The following CNTNAP4 variants were observed in gnomAD, a reference collection of about 807,000 sequenced individuals.
The protein encoded by CNTNAP4 is contactin associated protein family member 4, also known as contactin-associated protein-like 4.
CNTNAP4 carries 98 observed loss-of-function variants against 148.4 expected under a neutral mutation model. The ratio of observed to expected loss-of-function variants is 0.66; its 90% confidence interval spans 0.56 to 0.78. The LOEUF (loss-of-function observed/expected upper bound fraction) is 0.78. CNTNAP4 is among the 30% of genes least tolerant of loss of function. CNTNAP4 has a pLI of 0.00. For missense variants in CNTNAP4, 1,935 were observed against 1,565.6 expected (o/e 1.24, Z -3.98); for synonymous variants, 730 against 565.1 (o/e 1.29, Z -4.14).
At chr16:76,432,496 G>T (rs539475853) in intron 4 of CNTNAP4, 1 of 152,244 alleles carries the variant, frequency 6.6e-6, no homozygotes, top group South Asian at 2.1e-4. Context: ...CAGTGATCCT[G>T]TTTGCAGATC....
chr16:76,499,978 C>T (rs2082562829), intron 15 of CNTNAP4, among the ~76,000 whole-genome samples: 2 of 152,154 alleles, frequency 1.3e-5, no homozygotes, highest in African/African-American at 4.8e-5. Flanking sequence ...GACACAGTAA[C>T]AATCTGATCT....
intron 1 of CNTNAP4, among the ~76,000 whole-genome samples, chr16:76,299,495 A>T (rs1000466689): frequency 2.6e-5 from 4 of 152,132 alleles, no homozygotes; most frequent in Non-Finnish European, 5.9e-5. Context: ...TCAGGAAACA[A>T]CAGGTGCTGG....
intron 21 of CNTNAP4, among the ~76,000 whole-genome samples, chr16:76,546,905 C>T (rs961600265): frequency 2.0e-5 from 3 of 152,108 alleles, no homozygotes; most frequent in Non-Finnish European, 4.4e-5. Flanking sequence ...AAATTATCCC[C>T]CTTGCTTGAT....
chr16:76,516,802 G>A (rs936122083), intron 15 of CNTNAP4, among the ~76,000 whole-genome samples: 10 of 152,160 alleles, frequency 6.6e-5, no homozygotes, highest in African/African-American at 2.2e-4. Context: ...GGTGGCTCAC[G>A]CCTGTAATCC....
At chr16:76,493,874 C>T (rs1012937591) in intron 13 of CNTNAP4, among the ~76,000 whole-genome samples, 1 of 152,080 alleles carries the variant, frequency 6.6e-6, no homozygotes, top group African/African-American at 2.4e-5. Flanking sequence ...ATGGGGCTAT[C>T]TAATAGTAAG....
At chr16:76,355,274 A>G (rs769209677) in intron 2 of CNTNAP4, 44 bp from the exon 3 acceptor site, 1 of 1,423,880 alleles carries the variant, frequency 7.0e-7, no homozygotes, top group East Asian at 2.4e-5. Flanking sequence ...TTTTTAACTA[A>G]CTTTCCTTTC....
intron 23 of CNTNAP4, among the ~76,000 whole-genome samples, chr16:76,557,154 C>T (rs12934466): frequency 0.31 from 46,734 of 152,020 alleles, 7,287 homozygotes; most frequent in African/African-American, 0.37. Flanking sequence ...AGGCAACTCT[C>T]ACACTCTTGG....
In CNTNAP4 at chr16:76,489,787, A is replaced by G. The variant is rs914714912; in HGVS notation, c.1984A>G (p.Ser662Gly). The change falls in exon 13 of 24, where the codon AGC becomes GGC. Residue 662 changes from serine (S) to glycine (G), a missense_variant. Transcript: ENST00000611870. ...TGCTGGGTTTTTCGAGTATGTGGCC[A>G]GCATGGAGCAACTTCAGGCCACTAT... ...PYAGFFEYVA[S>G]MEQLQATINR... 6.8e-6 allele frequency: 11 copies of G among 1,606,274 alleles called. No individual in the cohort carries two copies. The Admixed American group carries it at 1.2e-4, about 17-fold the overall frequency.
chr16:76,332,456 A>G (rs749409121), intron 2 of CNTNAP4, among the ~76,000 whole-genome samples: 4 of 151,766 alleles, frequency 2.6e-5, no homozygotes, highest in Non-Finnish European at 5.9e-5. Context: ...TAGAGATGGG[A>G]TTTTGCCATG....
chr16:76,539,694 G>A (rs753386315), intron 19 of CNTNAP4, 25 bp from the exon 20 acceptor site: 3 of 1,555,102 alleles, frequency 1.9e-6, no homozygotes, highest in South Asian at 1.2e-5. Context: ...TTTACTAAAA[G>A]AATCACAATT....
intron 14 of CNTNAP4, 51 bp downstream of exon 14, chr16:76,495,117 T>G (rs764963949): frequency 6.3e-7 from 1 of 1,591,180 alleles, no homozygotes; most frequent in Admixed American, 1.7e-5. Context: ...TTAAAAAAAT[T>G]AATCACTCAA....
At chr16:76,386,145 G>A (rs2016496637) in intron 3 of CNTNAP4, among the ~76,000 whole-genome samples, 1 of 152,044 alleles carries the variant, frequency 6.6e-6, no homozygotes, top group Admixed American at 6.6e-5. Context: ...TTTGATTTGG[G>A]GTTAAAAATA....
intron 13 of CNTNAP4, among the ~76,000 whole-genome samples, chr16:76,490,091 AT>A (rs2082159408): frequency 6.6e-6 from 1 of 152,220 alleles, no homozygotes; most frequent in African/African-American, 2.4e-5. Context: ...ACTGAGCTTT[AT>A]TCAAAGCCTT....
chr16:76,405,996 G>A (rs2078587663), intron 3 of CNTNAP4, among the ~76,000 whole-genome samples: 1 of 152,060 alleles, frequency 6.6e-6, no homozygotes, highest in South Asian at 2.1e-4. Context: ...CAGGCAGATC[G>A]CTTGAGCTCA....
chr16:76,515,051 C>T (rs952378624), intron 15 of CNTNAP4, among the ~76,000 whole-genome samples: 12 of 152,068 alleles, frequency 7.9e-5, no homozygotes, highest in Admixed American at 2.6e-4. Context: ...TTAGACTTGA[C>T]ATCGAAAGCA....
At chr16:76,289,796 G>A (rs985927300) in intron 1 of CNTNAP4, among the ~76,000 whole-genome samples, 21 of 151,886 alleles carry the variant, frequency 1.4e-4, no homozygotes, top group Non-Finnish European at 2.2e-4. Context: ...GTCTTGAACT[G>A]CTGGACTCAA....
intron 3 of CNTNAP4, among the ~76,000 whole-genome samples, chr16:76,395,006 C>T (rs964723117): frequency 8.5e-5 from 13 of 152,204 alleles, no homozygotes; most frequent in African/African-American, 2.9e-4. Flanking sequence ...CTAGGCAATT[C>T]GGTGGGACCA....
intron 1 of CNTNAP4, among the ~76,000 whole-genome samples, chr16:76,304,031 T>A (rs917063159): frequency 6.6e-6 from 1 of 152,182 alleles, no homozygotes; most frequent in Non-Finnish European, 1.5e-5. Flanking sequence ...AACTTTGGAA[T>A]TTATAATAAA....
At chr16:76,446,827 G>A (rs766133522) in intron 4 of CNTNAP4, among the ~76,000 whole-genome samples, 1 of 152,048 alleles carries the variant, frequency 6.6e-6, no homozygotes, top group Admixed American at 6.6e-5. Flanking sequence ...TATAGACCTC[G>A]TTAACATACT....
Sources: gnomAD v4.1 joint callset for allele counts (sites outside exome capture counted in the v4.1 genomes callset) on GRCh38, gnomAD v4.1.1 for gene constraint, MANE v1.5 for transcripts, NCBI Gene and HGNC (gene_info 2026-07-23, HGNC 2026-07-21) for gene names.